The following EFCAB6 variants were observed in gnomAD, a reference collection of about 807,000 sequenced individuals.
The protein encoded by EFCAB6 is EF-hand calcium binding domain 6.
In EFCAB6, 156 loss-of-function variants were observed where a neutral mutation model predicts 169.8. The ratio of observed to expected loss-of-function variants is 0.92; its 90% CI spans 0.81 to 1.05. The LOEUF (loss-of-function observed/expected upper bound fraction) is 1.05. EFCAB6 is among the 50% of genes least tolerant of loss of function. The probability of loss-of-function intolerance (pLI) is 0.00; values close to 1 mark genes in which losing one functional copy is unlikely to be tolerated. For synonymous variants in EFCAB6, 698 were observed against 676.4 expected, an observed-to-expected ratio of 1.03 and a Z score of -0.50; for missense variants, 1,800 against 1,829.1, an observed-to-expected ratio of 0.98 and a Z score of 0.29.
chr22:43,590,809 C>T (rs2051449262), intron 23 of EFCAB6, among the ~76,000 whole-genome samples: 1 of 150,828 alleles, frequency 6.6e-6, no homozygotes, highest in African/African-American at 2.4e-5. Flanking sequence ...TGGCTATAGG[C>T]TCTTTTTCTT....
At chr22:43,623,852 T>C (rs1275126007) in intron 20 of EFCAB6, among the ~76,000 whole-genome samples, 1 of 140,930 alleles carries the variant, frequency 7.1e-6, no homozygotes, top group African/African-American at 2.7e-5. Context: ...GAGCTTGCAG[T>C]GAGCCGAGAT....
At chr22:43,668,778 T>G (rs543786016) in intron 16 of EFCAB6, 94 bp downstream of exon 16, 1 of 1,183,466 alleles carries the variant, frequency 8.4e-7, no homozygotes, top group East Asian at 2.8e-5. Context: ...TAAAATGAAA[T>G]ATTAAAATAC....
chr22:43,661,911 G>A (rs1479044035), intron 17 of EFCAB6, among the ~76,000 whole-genome samples: 1 of 152,180 alleles, frequency 6.6e-6, no homozygotes, highest in Non-Finnish European at 1.5e-5. Flanking sequence ...GAGGTCAGGA[G>A]TTCGCGACCA....
intron 2 of EFCAB6, among the ~76,000 whole-genome samples, chr22:43,799,922 T>C (rs2062643671): frequency 6.6e-6 from 1 of 152,104 alleles, no homozygotes; most frequent in Admixed American, 6.5e-5. Flanking sequence ...AAAAGTGAGA[T>C]TGAGGTGGAC....
chr22:43,606,867 A>G (rs2052955893), intron 22 of EFCAB6, among the ~76,000 whole-genome samples: 1 of 152,194 alleles, frequency 6.6e-6, no homozygotes, highest in Non-Finnish European at 1.5e-5. Context: ...ACCCTCAGAA[A>G]CAGGCTCCGT....
At chr22:43,578,765 AGCAGGCATCATACCCTACAC>A (rs1569188716) in intron 25 of EFCAB6, among the ~76,000 whole-genome samples, 1 of 129,532 alleles carries the variant, frequency 7.7e-6, no homozygotes, top group Non-Finnish European at 1.7e-5. Flanking sequence ...ATTCCCTACA[AGCAGGCATCATACCCTACAC>A]GCAGGCATCA....
chr22:43,616,275 A>C lies in EFCAB6; in HGVS notation c.2466-353T>G, dbSNP rs903667237. Among the ~76,000 whole-genome samples, 6 of 152,224 alleles carry C rather than the reference A, an allele frequency of 3.9e-5. No individual in the cohort carries two copies. The East Asian group carries it at 1.2e-3, about 29-fold the overall frequency. On this transcript the variant is annotated intron_variant, in intron 20 of 31. Coordinates refer to ENST00000262726, the MANE Select transcript of EFCAB6 (RefSeq NM_022785.4). ...TAAAAACTTTTATTTCTGAATTTGC[A>C]AGTTGGAGAGATAATGGAGACTACA... is the stretch of plus-strand genomic sequence containing the variant.
At chr22:43,717,097 A>C in intron 8 of EFCAB6, 125 bp from the exon 9 acceptor site, 1 of 1,232,822 alleles carries the variant, frequency 8.1e-7, no homozygotes, top group East Asian at 2.8e-5. Flanking sequence ...GAAAATGATG[A>C]ACCATCTGAT....
chr22:43,738,031 T>G (rs2060221127), intron 6 of EFCAB6, among the ~76,000 whole-genome samples: 1 of 149,242 alleles, frequency 6.7e-6, no homozygotes, highest in Admixed American at 6.7e-5. Flanking sequence ...CACACACACC[T>G]GCATATACTC....
In EFCAB6 at chr22:43,765,325, T is replaced by C. The variant is rs1267563074; in HGVS notation, c.420A>G (p.Leu140=). 2 of 1,612,398 alleles carry C rather than the reference T, an allele frequency of 1.2e-6. No homozygotes were observed. Among genetic ancestry groups the C allele is most frequent in the Admixed American group, 1.7e-5 (1 of 59,960 alleles). The change falls in exon 5 of 32, where the codon CTA becomes CTG. Residue 140 remains leucine, a synonymous_variant. Coordinates refer to ENST00000262726, the MANE Select transcript of EFCAB6 (RefSeq NM_022785.4). The part of the protein sequence containing the change: ...AFLSRFGGID[L]YINGIKRGGG... ...CTTACCTCTTTATACCATTTATATA[T>C]AGGTCAATTCCACCAAACCTGGACA...
intron 26 of EFCAB6, among the ~76,000 whole-genome samples, chr22:43,556,078 C>T (rs1379213789): frequency 6.6e-6 from 1 of 152,136 alleles, no homozygotes; most frequent in Non-Finnish European, 1.5e-5. Flanking sequence ...TTGCAAGGGG[C>T]CTTATCCTGG....
At chr22:43,602,287 A>C (rs2052578200) in intron 22 of EFCAB6, among the ~76,000 whole-genome samples, 1 of 152,140 alleles carries the variant, frequency 6.6e-6, no homozygotes, top group Non-Finnish European at 1.5e-5. Context: ...TATTCAGTGA[A>C]TTTTGTTCTT....
intron 10 of EFCAB6, among the ~76,000 whole-genome samples, chr22:43,709,529 C>G (rs2059082542): frequency 6.6e-6 from 1 of 152,022 alleles, no homozygotes; most frequent in Non-Finnish European, 1.5e-5. Context: ...ATATGCATTT[C>G]TATTTTAAAA....
chr22:43,677,126 T>G lies in EFCAB6; in HGVS notation c.1419+870A>C, dbSNP rs191767596. 4.3e-4 allele frequency among the ~76,000 whole-genome samples: 65 copies of G among 152,308 alleles called. 1 individual carries two copies. The Middle Eastern group carries it at 0.02, about 48-fold the overall frequency. On this transcript the variant is annotated intron_variant, in intron 13 of 31. Coordinates refer to ENST00000262726, the MANE Select transcript of EFCAB6 (RefSeq NM_022785.4). ...ACCTATTGCATGCACTATCTGAAAT[T>G]GATAAAGTTCTTAAAATTTTTTAAA... is the stretch of plus-strand genomic sequence containing the variant.
chr22:43,590,596 T>C (rs956807469), intron 23 of EFCAB6, among the ~76,000 whole-genome samples: 2 of 152,208 alleles, frequency 1.3e-5, no homozygotes, highest in African/African-American at 4.8e-5. Flanking sequence ...TGAGTACCTA[T>C]GACATGCCAG....
At position 43,716,980 on chromosome 22, in the gene EFCAB6, A is replaced by G; in HGVS notation, c.758-8T>C. On this transcript the variant is annotated splice_region_variant and splice_polypyrimidine_tract_variant and intron_variant, in intron 8 of 31. Transcript: ENST00000262726. ...GATTCTCCAACGAGACCTCTGTTGA[A>G]ACAAAATAGCTTCGGCTTATCAACA... The G allele has an allele frequency of 6.6e-7, 1 of 1,510,456 alleles. No individual in the cohort carries two copies. Among genetic ancestry groups the G allele is most frequent in the Admixed American group, 2.2e-5 (1 of 44,732 alleles). 93.6% of individuals were successfully genotyped at this position (1,510,456 alleles called of 1,614,324 possible).
chr22:43,730,770 G>A (rs1188703715), intron 8 of EFCAB6, among the ~76,000 whole-genome samples: 1 of 152,266 alleles, frequency 6.6e-6, no homozygotes, highest in Non-Finnish European at 1.5e-5. Context: ...AAGAGGCGAC[G>A]CAGGAACACG....
intron 26 of EFCAB6, among the ~76,000 whole-genome samples, chr22:43,574,992 C>A (rs960712076): frequency 2.0e-5 from 3 of 152,170 alleles, no homozygotes; most frequent in African/African-American, 4.8e-5. Flanking sequence ...CCCGCCCTCC[C>A]ATCAGCAATT....
intron 24 of EFCAB6, among the ~76,000 whole-genome samples, chr22:43,582,127 G>A (rs2050766305): frequency 1.3e-5 from 2 of 152,092 alleles, no homozygotes; most frequent in Admixed American, 6.5e-5. Context: ...TCCTTTTGTT[G>A]TTGTTTATAA....
Sources: gnomAD v4.1 joint callset for allele counts (sites outside exome capture counted in the v4.1 genomes callset) on GRCh38, gnomAD v4.1.1 for gene constraint, MANE v1.5 for transcripts, NCBI Gene and HGNC (gene_info 2026-07-23, HGNC 2026-07-21) for gene names.